AKAP13: variants seen among roughly 807,000 people sequenced by gnomAD.
The protein encoded by AKAP13 is A-kinase anchor protein 13.
In AKAP13, 80 loss-of-function variants were observed where a neutral mutation model predicts 264.5. The observed-to-expected ratio is 0.30, with a 90% CI of 0.25 to 0.36. The LOEUF is 0.36. Among genes scored for constraint, AKAP13 ranks in the 10% least tolerant of loss-of-function variants. AKAP13 has a pLI of 1.00. For synonymous variants in AKAP13, 1,380 were observed against 1,250.2 expected, an observed-to-expected ratio of 1.10 and a Z score of -2.19; for missense variants, 3,712 against 3,435.2, an observed-to-expected ratio of 1.08 and a Z score of -2.01.
intron 8 of AKAP13, among the ~76,000 whole-genome samples, chr15:85,631,140 C>G (rs1262954653): frequency 6.6e-6 from 1 of 152,102 alleles, no homozygotes; most frequent in Non-Finnish European, 1.5e-5. Flanking sequence ...GGGTGAACCT[C>G]AAAAACATTT....
At chr15:85,422,048 A>G (rs2072548824) in intron 1 of AKAP13, among the ~76,000 whole-genome samples, 1 of 152,262 alleles carries the variant, frequency 6.6e-6, no homozygotes, top group Non-Finnish European at 1.5e-5. Flanking sequence ...TGATGTGAAT[A>G]GTACAGATGA....
chr15:85,613,219 T>A (rs1411674095), intron 8 of AKAP13, among the ~76,000 whole-genome samples: 2 of 152,226 alleles, frequency 1.3e-5, no homozygotes, highest in African/African-American at 4.8e-5. Context: ...CTCATTTCCC[T>A]TTTGGATAGC....
chr15:85,697,952 T>C (rs1039164094), intron 17 of AKAP13, among the ~76,000 whole-genome samples: 29 of 152,312 alleles, frequency 1.9e-4, no homozygotes, highest in African/African-American at 7.0e-4. Context: ...CTGTGTTTGA[T>C]ATGTGATTCA....
At chr15:85,667,938 G>T (rs1385622266) in intron 13 of AKAP13, among the ~76,000 whole-genome samples, 1 of 152,202 alleles carries the variant, frequency 6.6e-6, no homozygotes, top group Non-Finnish European at 1.5e-5. Context: ...TCTTTCTGAA[G>T]TGGACTTTCT....
At chr15:85,609,789 T>G (rs2080519744) in intron 8 of AKAP13, among the ~76,000 whole-genome samples, 1 of 152,214 alleles carries the variant, frequency 6.6e-6, no homozygotes, top group South Asian at 2.1e-4. Context: ...ATTAACATCT[T>G]TACCTTCACT....
intron 11 of AKAP13, among the ~76,000 whole-genome samples, chr15:85,656,357 G>C (rs1429985321): frequency 6.6e-6 from 1 of 152,128 alleles, no homozygotes; most frequent in Non-Finnish European, 1.5e-5. Flanking sequence ...TAAATTGTTG[G>C]GATTTTCCCA....
At chr15:85,576,249 A>G (rs1358277212) in intron 6 of AKAP13, among the ~76,000 whole-genome samples, 1 of 152,210 alleles carries the variant, frequency 6.6e-6, no homozygotes, top group East Asian at 1.9e-4. Flanking sequence ...AAGAACCAAC[A>G]GTTTCTGAGA....
chr15:85,499,767 A>G (rs1319119006), intron 2 of AKAP13, among the ~76,000 whole-genome samples: 1 of 151,914 alleles, frequency 6.6e-6, no homozygotes, highest in Non-Finnish European at 1.5e-5. Flanking sequence ...CTGTGGATCC[A>G]TCACTCCTAC....
intron 23 of AKAP13, among the ~76,000 whole-genome samples, chr15:85,721,535 G>A (rs2087283065): frequency 6.6e-6 from 1 of 152,202 alleles, no homozygotes; most frequent in African/African-American, 2.4e-5. Context: ...AGGACTGCTG[G>A]CCTGAAGTAA....
chr15:85,528,562 GT>G (rs2077155012), intron 3 of AKAP13, among the ~76,000 whole-genome samples: 1 of 152,130 alleles, frequency 6.6e-6, no homozygotes, highest in Admixed American at 6.5e-5. Flanking sequence ...TTCTCATTTT[GT>G]GTACAAGGAA....
chr15:85,694,869 A>G lies in AKAP13; in HGVS notation c.5464+1418A>G, dbSNP rs12101533. Among the ~76,000 whole-genome samples, 384 of 152,366 alleles carry G rather than the reference A, an allele frequency of 2.5e-3. 4 individuals are homozygous for G. Among genetic ancestry groups the G allele is most frequent in the African/African-American group, 8.9e-3 (372 of 41,596 alleles). ...GATGTCAAGGAGCAACTCTCAGACCATGATGTCCTGAAATCTTGTTTTCAG... is the reference window on the plus strand; with the variant it reads ...GATGTCAAGGAGCAACTCTCAGACCGTGATGTCCTGAAATCTTGTTTTCAG... On this transcript the variant is annotated intron_variant, in intron 17 of 36. Transcript: ENST00000394518.
chr15:85,610,207 C>T (rs539911973), intron 8 of AKAP13, among the ~76,000 whole-genome samples: 1 of 152,258 alleles, frequency 6.6e-6, no homozygotes, highest in South Asian at 2.1e-4. Flanking sequence ...GCATTGTTTC[C>T]TTTTACCTCA....
intron 8 of AKAP13, among the ~76,000 whole-genome samples, chr15:85,631,045 T>C (rs969361897): frequency 6.6e-6 from 1 of 151,468 alleles, no homozygotes; most frequent in Non-Finnish European, 1.5e-5. Context: ...CTGATGCATA[T>C]AGATAAGTAA....
chr15:85,521,954 A>G (rs1421206426), intron 3 of AKAP13, among the ~76,000 whole-genome samples: 1 of 152,214 alleles, frequency 6.6e-6, no homozygotes, highest in Non-Finnish European at 1.5e-5. Context: ...TTTTATGGAC[A>G]GGGAATAAAA....
At chr15:85,716,455 C>A (rs932056598) in intron 20 of AKAP13, among the ~76,000 whole-genome samples, 1 of 152,182 alleles carries the variant, frequency 6.6e-6, no homozygotes, top group East Asian at 1.9e-4. Context: ...GGTCTCCTGG[C>A]CAGGCCTTGG....
intron 1 of AKAP13, among the ~76,000 whole-genome samples, chr15:85,463,037 A>AAAAG (rs1555432004): frequency 1.3e-5 from 2 of 150,602 alleles, no homozygotes; most frequent in Admixed American, 1.3e-4. Flanking sequence ...AAAAAAAAAA[A>AAAAG]AAAAAAGAAA....
chr15:85,693,046 T>G, intron 16 of AKAP13: 1 of 577,486 alleles, frequency 1.7e-6, no homozygotes, highest in Non-Finnish European at 2.7e-6. Flanking sequence ...AATAAGCCAC[T>G]GCCAGAACTG....
At chr15:85,428,138 C>T (rs770955232) in intron 1 of AKAP13, among the ~76,000 whole-genome samples, 3 of 152,092 alleles carry the variant, frequency 2.0e-5, no homozygotes, top group Non-Finnish European at 2.9e-5. Context: ...CTTGCTTTTC[C>T]TCCTGTATAA....
Position 85,414,533 on chromosome 15 carries a change from G to A in AKAP13, c.-12+33735G>A, listed in dbSNP as rs2072141598. On this transcript the variant is annotated intron_variant, in intron 1 of 36. Transcript: ENST00000394518. ...GATGATGATATAGAGAATGAAGATG[G>A]GAAAAAATCCTCTTGGTATTAATAC... is the stretch of plus-strand genomic sequence containing the variant. 1.3e-5 allele frequency among the ~76,000 whole-genome samples: 2 copies of A among 152,102 alleles called. 1 individual carries two copies. The highest frequency in any genetic ancestry group is 4.1e-4 in the South Asian group (2 of 4,830).
Sources: allele counts gnomAD v4.1 joint callset (sites outside exome capture counted in the v4.1 genomes callset), GRCh38; gene constraint gnomAD v4.1.1; transcripts MANE v1.5; gene names NCBI Gene and HGNC (gene_info 2026-07-23, HGNC 2026-07-21).